Variants in NTN1 observed in about 807,000 individuals in gnomAD.
The protein encoded by NTN1 is netrin-1.
In NTN1, 11 loss-of-function variants were observed where a neutral mutation model predicts 54.2. The observed-to-expected ratio is 0.20, with a 90% CI of 0.13 to 0.34. The LOEUF (loss-of-function observed/expected upper bound fraction) is 0.34. NTN1 is among the 10% of genes least tolerant of loss of function. The pLI is 1.00. For synonymous variants in NTN1, 371 were observed against 382.0 expected (o/e 0.97, Z 0.33); for missense variants, 740 against 893.1 (o/e 0.83, Z 2.18).
At chr17:9,134,418 G>T (rs996234899) in intron 2 of NTN1, among the ~76,000 whole-genome samples, 2 of 152,148 alleles carry the variant, frequency 1.3e-5, no homozygotes, top group Non-Finnish European at 2.9e-5. Context: ...GGTTGCAGCT[G>T]CCTCTCTCTG....
At chr17:9,155,738 G>A (rs1405338645) in intron 2 of NTN1, among the ~76,000 whole-genome samples, 2 of 152,178 alleles carry the variant, frequency 1.3e-5, no homozygotes, top group East Asian at 3.9e-4. Context: ...GGCGGTGGGC[G>A]TCATGATCTC....
At chr17:9,007,502 CTTTCTTTCTTT>C in the NTN1 span, among the ~76,000 whole-genome samples, 1 of 146,918 alleles carries the variant, frequency 6.8e-6, no homozygotes, top group African/African-American at 2.5e-5. Context: ...TTCTCTTTAT[CTTTCTTTCTTT>C]TTTCTTTCTT....
rs2092089742 is a variant in NTN1, at chr17:9,086,284, C to T, written c.1018+62893C>T. Among the ~76,000 whole-genome samples the T allele has an allele frequency of 2.6e-5, 4 of 152,182 alleles. No individual in the cohort carries two copies. In the South Asian group the frequency reaches 6.2e-4, roughly 24 times the overall value. On this transcript the variant is annotated intron_variant, in intron 2 of 6. Transcript: ENST00000173229. ...TGGGGAGCCTGAGGCAGGAGGATTA[C>T]TTGAGCCCAGGAGTTCGAGTCCAGC...
At chr17:9,078,930 A>G (rs559916195) in intron 2 of NTN1, among the ~76,000 whole-genome samples, 1 of 152,356 alleles carries the variant, frequency 6.6e-6, no homozygotes, top group South Asian at 2.1e-4. Flanking sequence ...TGAAGAACAT[A>G]GAAGCTGATT....
chr17:9,127,071 C>CGGT (rs2092249630), intron 2 of NTN1, among the ~76,000 whole-genome samples: 1 of 81,894 alleles, frequency 1.2e-5, no homozygotes, highest in East Asian at 3.3e-4. Flanking sequence ...GTGGTAGGGC[C>CGGT]GGGGGGGGGC....
At chr17:9,207,586 G>A (rs1904998437) in intron 5 of NTN1, among the ~76,000 whole-genome samples, 1 of 152,186 alleles carries the variant, frequency 6.6e-6, no homozygotes, top group African/African-American at 2.4e-5. Context: ...AGCATTTTGA[G>A]TTCCTTGGTC....
intron 2 of NTN1, among the ~76,000 whole-genome samples, chr17:9,045,323 C>T (rs936603226): frequency 1.2e-4 from 19 of 152,312 alleles, no homozygotes; most frequent in African/African-American, 2.2e-4. Flanking sequence ...GAGGCCACAG[C>T]GACTCACTGA....
Position 9,239,948 on chromosome 17 carries a change from G to C in NTN1, c.1795G>C (p.Gly599Arg), listed in dbSNP as rs1458758706. Residue 599 changes from glycine to arginine, a missense_variant, in exon 7 of 7, where the codon GGC becomes CGC. By Grantham distance (125) the Gly-to-Arg change is moderately radical. Transcript: ENST00000173229. This position sits in a 1 kb window ranked among gnomAD's most constrained non-coding sequence, Gnocchi z 5.2. ...LRKFQQREKK[G>R]KCKKA is the part of the protein sequence containing the mutation. The stretch of plus-strand genomic sequence containing the variant: ...CAAGTTCCAGCAGCGTGAGAAGAAG[G>C]GCAAGTGCAAGAAGGCCTAGCGCCG... 1 of 1,316,626 alleles carries C rather than the reference G, an allele frequency of 7.6e-7. No individual in the cohort carries two copies. The highest frequency in any genetic ancestry group is 4.9e-5 in the East Asian group (1 of 20,414). The allele number at this position is 1,316,626 out of a possible 1,614,324, so 81.6% of individuals were successfully genotyped here. A position where few individuals can be genotyped will look rare whatever the true frequency, so the allele number is the denominator to read the frequency against.
At chr17:9,110,051 C>T (rs1456913305) in intron 2 of NTN1, among the ~76,000 whole-genome samples, 2 of 152,164 alleles carry the variant, frequency 1.3e-5, no homozygotes, top group Non-Finnish European at 2.9e-5. Flanking sequence ...TTCTCCCAGT[C>T]TGTTCCTGTC....
At chr17:9,163,504 A>G (rs564667290) in intron 3 of NTN1, among the ~76,000 whole-genome samples, 263 of 17,658 alleles carry the variant, frequency 0.015, 2 homozygotes, top group Middle Eastern at 0.056. Flanking sequence ...ACACACACAC[A>G]CACACACACA....
At chr17:9,230,292 G>T (rs2142369262) in intron 6 of NTN1, among the ~76,000 whole-genome samples, 1 of 152,248 alleles carries the variant, frequency 6.6e-6, no homozygotes, top group South Asian at 2.1e-4. Context: ...CTGATGTGAT[G>T]GCTGCGAAAG....
chr17:9,060,711 C>T (rs2091994776), intron 2 of NTN1, among the ~76,000 whole-genome samples: 1 of 152,166 alleles, frequency 6.6e-6, no homozygotes, highest in Admixed American at 6.5e-5. Context: ...GGTGCAGTGG[C>T]TCATGCCTGT....
intron 2 of NTN1, among the ~76,000 whole-genome samples, chr17:9,102,117 A>G (rs895536455): frequency 1.3e-5 from 2 of 152,260 alleles, no homozygotes; most frequent in Non-Finnish European, 2.9e-5. Context: ...AAAGACAAAG[A>G]ATATCAGGTG....
intron 2 of NTN1, among the ~76,000 whole-genome samples, chr17:9,161,464 C>T (rs1227278399): frequency 6.6e-6 from 1 of 152,080 alleles, no homozygotes; most frequent in Non-Finnish European, 1.5e-5. Context: ...TCCTGATGGG[C>T]GCCCTCAGAT....
intron 2 of NTN1, among the ~76,000 whole-genome samples, chr17:9,035,883 A>G (rs1313653465): frequency 6.6e-6 from 1 of 152,098 alleles, no homozygotes; most frequent in East Asian, 1.9e-4. Flanking sequence ...TTAGCCGGGT[A>G]TGGTGGTGCA....
At chr17:9,024,473 T>C (rs1038755606) in intron 2 of NTN1, among the ~76,000 whole-genome samples, 3 of 152,220 alleles carry the variant, frequency 2.0e-5, no homozygotes, top group African/African-American at 4.8e-5. Context: ...CATCTCCCCA[T>C]CTCAAACAGC....
chr17:9,015,472 G>C, the NTN1 span, among the ~76,000 whole-genome samples: 1 of 152,184 alleles, frequency 6.6e-6, no homozygotes, highest in South Asian at 2.1e-4. Context: ...TCACACCCAA[G>C]ACAAAGGCAC....
chr17:9,178,020 C>A (rs2092405587), intron 3 of NTN1, among the ~76,000 whole-genome samples: 1 of 152,148 alleles, frequency 6.6e-6, no homozygotes, highest in African/African-American at 2.4e-5. Context: ...CGTGTTAAAA[C>A]CCCATCTCTA....
intron 2 of NTN1, among the ~76,000 whole-genome samples, chr17:9,093,843 G>A (rs1051539334): frequency 2.0e-5 from 3 of 152,052 alleles, no homozygotes; most frequent in South Asian, 2.1e-4. Context: ...GCGTGGTGGC[G>A]GGCGCCTGTA....
Sources: gnomAD v4.1 joint callset for allele counts (sites outside exome capture counted in the v4.1 genomes callset) on GRCh38, gnomAD v4.1.1 for gene constraint, Gnocchi (gnomAD v3.1) non-coding constraint, MANE v1.5 for transcripts, NCBI Gene and HGNC (gene_info 2026-07-23, HGNC 2026-07-21) for gene names.